The following TGM3 variants were observed in gnomAD, a reference collection of about 807,000 sequenced individuals.
TGM3 encodes transglutaminase 3.
TGM3 carries 52 observed loss-of-function variants against 73.8 expected under a neutral mutation model. The observed-to-expected ratio is 0.70, with a 90% CI of 0.56 to 0.89. TGM3 has a LOEUF of 0.89. Ranked by LOEUF, TGM3 falls within the 40% of genes least tolerant of loss-of-function variation. The pLI is 0.00. For missense variants in TGM3, 928 were observed against 909.9 expected (o/e 1.02, Z -0.26); for synonymous variants, 372 against 354.9 (o/e 1.05, Z -0.54).
intron 2 of TGM3, among the ~76,000 whole-genome samples, 172 bp from the exon 3 acceptor site, chr20:2,310,006 C>T (rs761791501): frequency 1.2e-4 from 18 of 152,192 alleles, no homozygotes; most frequent in Admixed American, 7.2e-4. Flanking sequence ...TGAGAGTCAC[C>T]ATCCTCAAAT....
chr20:2,296,502 G>A (rs2084108508), intron 1 of TGM3, among the ~76,000 whole-genome samples: 2 of 152,060 alleles, frequency 1.3e-5, no homozygotes, highest in African/African-American at 4.8e-5. Flanking sequence ...GAACTACCAG[G>A]GAGTGAGAGT....
Position 2,335,147 on chromosome 20 carries a change from T to G in TGM3, c.1674T>G (p.Ala558=), listed in dbSNP as rs2084342168. The part of the protein sequence containing the change: ...EAEHPIKISY[A]QYEKYLKSDN... Reference sequence around the variant, plus strand: ...AACATCCCATAAAGATCTCGTACGCTCAGTATGAGAAGTACCTGAAGTCAG... The same window carrying G: ...AACATCCCATAAAGATCTCGTACGCGCAGTATGAGAAGTACCTGAAGTCAG... The change falls in exon 11 of 13, where the codon GCT becomes GCG. Residue 558 remains alanine, a synonymous_variant. Transcript: ENST00000381458. The G allele has an allele frequency of 6.2e-7, 1 of 1,614,026 alleles. No homozygotes were observed. Among genetic ancestry groups the G allele is most frequent in the African/African-American group, 1.3e-5 (1 of 74,896 alleles).
At chr20:2,308,935 T>G (rs1471454513) in intron 1 of TGM3, among the ~76,000 whole-genome samples, 1 of 151,208 alleles carries the variant, frequency 6.6e-6, no homozygotes, top group African/African-American at 2.4e-5. Context: ...TGTAGTGCAA[T>G]GGCGTGACCT....
chr20:2,331,637 T>G (rs1178369758), intron 9 of TGM3, among the ~76,000 whole-genome samples: 1 of 152,252 alleles, frequency 6.6e-6, no homozygotes, highest in Non-Finnish European at 1.5e-5. Flanking sequence ...AGCTCAGTTC[T>G]TATGATTTAT....
chr20:2,312,857 G>C (rs1452906422), intron 4 of TGM3, 41 bp from the exon 5 acceptor site: 1 of 1,610,946 alleles, frequency 6.2e-7, no homozygotes. Flanking sequence ...AACTCTCCTT[G>C]TCATTTCTTT....
Position 2,328,746 on chromosome 20 carries a change from C to T in TGM3, c.1333+381C>T, listed in dbSNP as rs1038641956. ...GAGAGATTTCTCCATCAGTCTGCTC[C>T]CTTAGCCTCTGAGAAACTCAGGGAG... On this transcript the variant is annotated intron_variant, in intron 9 of 12. Coordinates refer to ENST00000381458, the MANE Select transcript of TGM3 (RefSeq NM_003245.4). The surrounding 1 kb of genome is among the most constrained non-coding windows in gnomAD (Gnocchi z 5.2). 6.6e-6 allele frequency among the ~76,000 whole-genome samples: 1 copy of T among 152,208 alleles called. No individual in the cohort carries two copies. Among genetic ancestry groups the T allele is most frequent in the Non-Finnish European group, 1.5e-5 (1 of 68,032 alleles).
chr20:2,340,642 G>A lies in TGM3; in HGVS notation c.*61G>A, dbSNP rs1193448150. 5.6e-6 allele frequency: 9 copies of A among 1,606,680 alleles called. No homozygotes were observed. Among genetic ancestry groups the A allele is most frequent in the African/African-American group, 1.3e-5 (1 of 74,698 alleles). ...CACGGAGCAGGGAGAGCTCACCATG[G>A]AATGAACCCCCCGCCCATGCTGTCC... is the stretch of plus-strand genomic sequence containing the variant. On this transcript the variant is annotated 3_prime_UTR_variant, in exon 13 of 13. Transcript: ENST00000381458.
rs1200723459 is a variant in TGM3, at chr20:2,325,836, G to A, written c.984-13G>A. 14 of 1,542,372 alleles carry A rather than the reference G, an allele frequency of 9.1e-6. No homozygotes were observed. Among genetic ancestry groups the A allele is most frequent in the African/African-American group, 1.4e-5 (1 of 72,940 alleles). On this transcript the variant is annotated splice_polypyrimidine_tract_variant and intron_variant, in intron 7 of 12. Transcript: ENST00000381458. Reference sequence around the variant, plus strand: ...TCTTGGGCAAGCGCTGCAGTCTCTGGTTCTATCTGCAGGAATTTCCATGTC... The same window carrying A: ...TCTTGGGCAAGCGCTGCAGTCTCTGATTCTATCTGCAGGAATTTCCATGTC...
chr20:2,338,250 T>G (rs750011085), intron 11 of TGM3, among the ~76,000 whole-genome samples: 4 of 152,188 alleles, frequency 2.6e-5, no homozygotes, highest in African/African-American at 7.2e-5. Context: ...AATTGATCCA[T>G]CATCTGTGAC....
chr20:2,331,033 A>AG (rs1241552329), intron 9 of TGM3, among the ~76,000 whole-genome samples: 15 of 145,986 alleles, frequency 1.0e-4, no homozygotes, highest in African/African-American at 3.5e-4. Context: ...AAAAAGAGAG[A>AG]GAAAAAAAAT....
At position 2,340,426 on chromosome 20, in the gene TGM3, C is replaced by A; in HGVS notation, c.1935-8C>A. The A allele has an allele frequency of 6.2e-7, 1 of 1,613,970 alleles. No individual in the cohort carries two copies. The highest frequency in any genetic ancestry group is 8.5e-7 in the Non-Finnish European group (1 of 1,179,902). ...CGTATCAACACTGATCTGTGCCCTC[C>A]CCATCAGCGTGCCGACCCTAGGGCC... On this transcript the variant is annotated splice_region_variant and splice_polypyrimidine_tract_variant and intron_variant, in intron 12 of 12. Transcript: ENST00000381458.
rs904635380 is a variant in TGM3, at chr20:2,317,558, G to A, written c.983+73G>A. 3.8e-6 allele frequency: 6 copies of A among 1,594,634 alleles called. No homozygotes were observed. In the Admixed American group the frequency reaches 5.0e-5, roughly 13 times the overall value. The stretch of plus-strand genomic sequence containing the variant: ...GCTTCTCGCTCTCACCATCCTTCTG[G>A]GACCCAGGTCCAAACAGGTGTTGCA... On this transcript the variant is annotated intron_variant, in intron 7 of 12. Transcript: ENST00000381458.
intron 1 of TGM3, among the ~76,000 whole-genome samples, chr20:2,299,050 G>A (rs1213428284): frequency 6.6e-6 from 1 of 152,128 alleles, no homozygotes; most frequent in Non-Finnish European, 1.5e-5. Flanking sequence ...TTACAGGATA[G>A]CTGATGGGTT....
chr20:2,311,436 T>C (rs2084203031), intron 4 of TGM3, among the ~76,000 whole-genome samples: 1 of 152,200 alleles, frequency 6.6e-6, no homozygotes, highest in Admixed American at 6.5e-5. Flanking sequence ...CACAAATAAA[T>C]ATAAGGCCCC....
At chr20:2,336,039 T>C (rs2084349132) in intron 11 of TGM3, among the ~76,000 whole-genome samples, 1 of 152,242 alleles carries the variant, frequency 6.6e-6, no homozygotes, top group Admixed American at 6.5e-5. Context: ...CCTCTTTCTC[T>C]GCTCATAGGG....
intron 1 of TGM3, among the ~76,000 whole-genome samples, chr20:2,307,590 A>G (rs2084182440): frequency 6.6e-6 from 1 of 151,950 alleles, no homozygotes. Flanking sequence ...CATCTCTCAT[A>G]CACCTTTCCT....
chr20:2,311,126 A>G lies in TGM3; in HGVS notation c.537A>G (p.Gly179=), dbSNP rs1204723623. ...NRIGMIGWNF[G]QFEEDILSIC... is the part of the protein sequence containing the mutation. ...TTGGCATGATTGGCTGGAACTTTGG[A>G]CAGGTAAAAGGGTCATAAGGAAGCT... The change falls in exon 4 of 13, where the codon GGA becomes GGG. Residue 179 remains glycine (G), a synonymous_variant. Transcript: ENST00000381458. 1 of 1,613,790 alleles carries G rather than the reference A, an allele frequency of 6.2e-7. No individual in the cohort carries two copies. Among genetic ancestry groups the G allele is most frequent in the Admixed American group, 1.7e-5 (1 of 60,018 alleles).
intron 10 of TGM3, 33 bp from the exon 11 acceptor site, chr20:2,335,083 C>T (rs1415444349): frequency 2.5e-6 from 4 of 1,613,104 alleles, no homozygotes; most frequent in East Asian, 2.2e-5. Flanking sequence ...TCCCCACTCC[C>T]CCTCACTCGG....
At chr20:2,327,917 A>G (rs2084297515) in intron 8 of TGM3, among the ~76,000 whole-genome samples, 1 of 152,174 alleles carries the variant, frequency 6.6e-6, no homozygotes, top group Non-Finnish European at 1.5e-5. Context: ...TCTTATGTAG[A>G]GGTTGAGTTC....
Sources: gnomAD v4.1 joint callset for allele counts (sites outside exome capture counted in the v4.1 genomes callset) on GRCh38, gnomAD v4.1.1 for gene constraint, Gnocchi (gnomAD v3.1) non-coding constraint, MANE v1.5 for transcripts, NCBI Gene and HGNC (gene_info 2026-07-23, HGNC 2026-07-21) for gene names.